Variants in SUCLG2 observed in about 807,000 individuals in gnomAD.
The protein encoded by SUCLG2 is succinate--CoA ligase [GDP-forming] subunit beta, mitochondrial.
A neutral mutation model predicts 47.9 loss-of-function variants in SUCLG2; 42 were observed. That is an observed-to-expected ratio of 0.88 (90% CI 0.69 to 1.14). The LOEUF (loss-of-function observed/expected upper bound fraction) is 1.14. Among genes scored for constraint, SUCLG2 ranks in the 50% most tolerant of loss-of-function variants. The pLI is 0.00. For missense variants in SUCLG2, 571 were observed against 525.9 expected (o/e 1.09, Z -0.84); for synonymous variants, 195 against 197.3 (o/e 0.99, Z 0.10).
intron 9 of SUCLG2, among the ~76,000 whole-genome samples, chr3:67,407,849 T>C (rs1251601001): frequency 1.3e-5 from 2 of 152,240 alleles, no homozygotes; most frequent in African/African-American, 4.8e-5. Context: ...ACTGTTTTTC[T>C]TTTTTGTTGT....
intron 2 of SUCLG2, among the ~76,000 whole-genome samples, chr3:67,605,382 T>C (rs1050974520): frequency 1.4e-4 from 22 of 152,172 alleles, no homozygotes; most frequent in African/African-American, 4.3e-4. Context: ...ATATTTATGA[T>C]CAACTAATTT....
intron 6 of SUCLG2, among the ~76,000 whole-genome samples, chr3:67,517,992 T>C (rs977125131): frequency 1.8e-4 from 27 of 152,222 alleles, no homozygotes; most frequent in African/African-American, 6.3e-4. Flanking sequence ...GATTACCATC[T>C]ATCATGAAGT....
At chr3:67,452,789 A>G (rs1429337838) in intron 9 of SUCLG2, among the ~76,000 whole-genome samples, 1 of 152,226 alleles carries the variant, frequency 6.6e-6, no homozygotes, top group African/African-American at 2.4e-5. Flanking sequence ...CTGAAATTGT[A>G]TTCAGGACCG....
intron 10 of SUCLG2, among the ~76,000 whole-genome samples, chr3:67,385,369 A>T (rs968812581): frequency 1.3e-5 from 2 of 152,248 alleles, no homozygotes; most frequent in African/African-American, 4.8e-5. Context: ...CCTGGGGCAG[A>T]TAAGACCTGT....
chr3:67,446,870 A>T (rs1703940626), intron 9 of SUCLG2, among the ~76,000 whole-genome samples: 1 of 152,174 alleles, frequency 6.6e-6, no homozygotes, highest in Non-Finnish European at 1.5e-5. Flanking sequence ...TTAAATTGTG[A>T]CATATTAAAA....
intron 9 of SUCLG2, among the ~76,000 whole-genome samples, chr3:67,405,428 A>C (rs1225464264): frequency 6.6e-6 from 1 of 152,218 alleles, no homozygotes; most frequent in African/African-American, 2.4e-5. Context: ...AATCAATACT[A>C]AACCTCTTCT....
intron 10 of SUCLG2, among the ~76,000 whole-genome samples, chr3:67,396,722 A>C (rs1339443470): frequency 6.6e-6 from 1 of 152,190 alleles, no homozygotes; most frequent in African/African-American, 2.4e-5. Flanking sequence ...ACAACCAAAA[A>C]AGAGAATTTT....
intron 9 of SUCLG2, among the ~76,000 whole-genome samples, chr3:67,404,986 T>TG (rs1446067246): frequency 2.3e-4 from 35 of 151,816 alleles, no homozygotes; most frequent in Non-Finnish European, 4.4e-4. Flanking sequence ...TTTTTTTTTT[T>TG]TTTAAGAATT....
Position 67,654,560 on chromosome 3 carries a change from G to C in SUCLG2, c.27C>G (p.Ala9=). ...GCGCTAGGGCTCGCAGAAGCTTCCC[G>C]GCCTGCGCTGCTACGGGGGACGCCA... The part of the protein sequence containing the change: MASPVAAQ[A]GKLLRALALR... Residue 9 remains alanine (A), a synonymous_variant, in exon 1 of 11, where the codon GCC becomes GCG. Coordinates refer to ENST00000307227, the MANE Select transcript of SUCLG2 (RefSeq NM_003848.4). The C allele has an allele frequency of 7.9e-7, 1 of 1,272,978 alleles. No homozygotes were observed. Among genetic ancestry groups the C allele is most frequent in the South Asian group, 3.7e-5 (1 of 27,078 alleles). The allele number at this position is 1,272,978 out of a possible 1,614,324, so 78.9% of individuals were successfully genotyped here. A position where few individuals can be genotyped will look rare whatever the true frequency, so the allele number is the denominator to read the frequency against.
At chr3:67,516,975 T>C (rs1197828190) in intron 6 of SUCLG2, among the ~76,000 whole-genome samples, 2 of 152,318 alleles carry the variant, frequency 1.3e-5, no homozygotes, top group East Asian at 3.9e-4. Flanking sequence ...CCAACCACTG[T>C]AGCACATATT....
At chr3:67,397,686 A>G (rs1049816679) in intron 10 of SUCLG2, among the ~76,000 whole-genome samples, 6 of 152,186 alleles carry the variant, frequency 3.9e-5, no homozygotes, top group African/African-American at 1.4e-4. Context: ...GTTCATATGG[A>G]ACCAAAAAAG....
chr3:67,443,061 A>G (rs1703811823), intron 9 of SUCLG2, among the ~76,000 whole-genome samples: 1 of 152,206 alleles, frequency 6.6e-6, no homozygotes, highest in African/African-American at 2.4e-5. Flanking sequence ...GTCATACTCC[A>G]TAAACAATAC....
At chr3:67,620,045 TG>T (rs1367133183) in intron 1 of SUCLG2, among the ~76,000 whole-genome samples, 2 of 152,218 alleles carry the variant, frequency 1.3e-5, no homozygotes, top group African/African-American at 4.8e-5. Flanking sequence ...AAACATATAC[TG>T]GCATTTAACT....
intron 7 of SUCLG2, among the ~76,000 whole-genome samples, chr3:67,501,076 T>A (rs182149367): frequency 2.0e-5 from 3 of 152,318 alleles, no homozygotes; most frequent in Non-Finnish European, 4.4e-5. Flanking sequence ...ATGGTGACTA[T>A]GGGATAAAAG....
chr3:67,591,428 A>T (rs1559586465), intron 2 of SUCLG2, among the ~76,000 whole-genome samples: 1 of 152,102 alleles, frequency 6.6e-6, no homozygotes, highest in East Asian at 1.9e-4. Context: ...TCCAAATCTC[A>T]CCTTGAATTG....
intron 2 of SUCLG2, among the ~76,000 whole-genome samples, chr3:67,573,225 C>A (rs1021684006): frequency 3.3e-5 from 5 of 152,056 alleles, no homozygotes; most frequent in Non-Finnish European, 7.4e-5. Context: ...GTGAAGATGG[C>A]CATACTCCCA....
At chr3:67,385,007 C>G (rs548470123) in intron 10 of SUCLG2, among the ~76,000 whole-genome samples, 1 of 152,314 alleles carries the variant, frequency 6.6e-6, no homozygotes, top group African/African-American at 2.4e-5. Context: ...ACACACTTAG[C>G]GTCTATAAGA....
At chr3:67,478,889 A>G (rs532458049) in intron 9 of SUCLG2, among the ~76,000 whole-genome samples, 8 of 152,326 alleles carry the variant, frequency 5.3e-5, no homozygotes, top group Admixed American at 1.3e-4. Flanking sequence ...AGAATTTTCA[A>G]AGTTAATGAT....
intron 2 of SUCLG2, among the ~76,000 whole-genome samples, chr3:67,570,393 A>T (rs1707574647): frequency 6.6e-6 from 1 of 152,216 alleles, no homozygotes; most frequent in South Asian, 2.1e-4. Context: ...TGTAGTAGAA[A>T]ATCTGGCCTT....
Sources: allele counts gnomAD v4.1 joint callset (sites outside exome capture counted in the v4.1 genomes callset), GRCh38; gene constraint gnomAD v4.1.1; transcripts MANE v1.5; gene names NCBI Gene and HGNC (gene_info 2026-07-23, HGNC 2026-07-21).